IL9R: variants seen among roughly 807,000 people sequenced by gnomAD.
IL9R encodes interleukin-9 receptor.
IL9R carries 54 observed loss-of-function variants against 56.3 expected under a neutral mutation model. The observed-to-expected ratio is 0.96, with a 90% CI of 0.77 to 1.20. IL9R has a LOEUF of 1.20. IL9R is among the 50% of genes most tolerant of loss of function. The pLI is 0.00. For synonymous variants in IL9R, 212 were observed against 250.2 expected, an observed-to-expected ratio of 0.85 and a Z score of 1.44; for missense variants, 545 against 629.8, an observed-to-expected ratio of 0.87 and a Z score of 1.44.
Position 156,005,419 on chromosome X carries a change from T to C in IL9R, c.721T>C (p.Tyr241His). The part of the protein sequence containing the change: ...LEDDVVEEER[Y>H]TGQWSEWSQP... ...GGATGATGTGGTAGAGGAGGAGCGT[T>C]ATACAGGCCAGTGGAGTGAGTGGAG... Residue 241 changes from tyrosine (Y) to histidine (H), a missense_variant, in exon 6 of 9, where the codon TAT (tyrosine) becomes CAT (histidine). By Grantham distance (83) the Tyr-to-His change is moderately conservative (BLOSUM62 2). Coordinates refer to ENST00000244174, the MANE Select transcript of IL9R (RefSeq NM_002186.3). 1 of 1,613,094 alleles carries C rather than the reference T, an allele frequency of 6.2e-7. No homozygotes were observed. The highest frequency in any genetic ancestry group is 8.5e-7 in the Non-Finnish European group (1 of 1,179,820).
At chrX:156,009,248 G>GTGTGTGTA (rs1569479052) in intron 8 of IL9R, among the ~76,000 whole-genome samples, 28 of 94,988 alleles carry the variant, frequency 2.9e-4, no homozygotes, top group Admixed American at 4.6e-4. Flanking sequence ...TGTGGTGTGT[G>GTGTGTGTA]TGTCTGTGTG....
chrX:156,001,267 A>G (rs3093484), intron 1 of IL9R: 300,351 of 733,714 alleles, frequency 0.41, 66,957 homozygotes, highest in East Asian at 0.75. Context: ...CTGGGGCAGC[A>G]GTTGTCCATT....
In IL9R at chrX:156,001,270, T is replaced by C. The variant is rs1165752246; in HGVS notation, c.29-1636T>C. 5.4e-6 allele frequency: 4 copies of C among 741,834 alleles called. No homozygotes were observed. In the African/African-American group the frequency reaches 6.9e-5, roughly 13 times the overall value. 46.0% of individuals were successfully genotyped at this position (741,834 alleles called of 1,614,324 possible). A position where few individuals can be genotyped will look rare whatever the true frequency, so the allele number is the denominator to read the frequency against. Reference sequence around the variant, plus strand: ...GTTTCTCCACTGCTGGGGCAGCAGTTGTCCATTCTGGGGCCTGGGTCAGCT... The same window carrying C: ...GTTTCTCCACTGCTGGGGCAGCAGTCGTCCATTCTGGGGCCTGGGTCAGCT... On this transcript the variant is annotated intron_variant, in intron 1 of 8. Transcript: ENST00000244174.
rs111452421 is a variant in IL9R, at chrX:156,008,869, C to G, written c.973-947C>G. On this transcript the variant is annotated intron_variant, in intron 8 of 8. Transcript: ENST00000244174. The stretch of plus-strand genomic sequence containing the variant: ...TCCTGACAGCGATTCGTGTGTGTGT[C>G]TGTGTGTGTGTGTGTGTGTGTTTAT... 8.3e-4 allele frequency among the ~76,000 whole-genome samples: 123 copies of G among 147,838 alleles called. No individual in the cohort carries two copies. In the South Asian group the frequency reaches 9.2e-3, roughly 11 times the overall value.
In IL9R at chrX:156,005,477, A is replaced by G. The variant is rs189761597; in HGVS notation, c.779A>G (p.Gln260Arg). The G allele has an allele frequency of 2.5e-6, 4 of 1,612,350 alleles. No individual in the cohort carries two copies. In the African/African-American group the frequency reaches 4.0e-5, roughly 16 times the overall value. Reference protein sequence around the residue: ...QPVCFQAPQRQGPLIPPWGWP... With the variant: ...QPVCFQAPQRRGPLIPPWGWP... ...GTGTGCTTCCAGGCTCCCCAGAGAC[A>G]AGGTGGGCACTGCTGTGGCTGCTGC... is the stretch of plus-strand genomic sequence containing the variant. The change falls in exon 6 of 9, where the codon CAA (glutamine) becomes CGA (arginine). Residue 260 changes from glutamine to arginine, a missense_variant and splice_region_variant. By Grantham distance (43) the Gln-to-Arg change is conservative. Transcript: ENST00000244174.
rs2067521173 is a variant in IL9R at position 156,001,497 on chromosome X, T to C, written c.29-1409T>C. On this transcript the variant is annotated intron_variant, in intron 1 of 8. Coordinates refer to ENST00000244174, the MANE Select transcript of IL9R (RefSeq NM_002186.3). ...TGGTGGTTCCAGGCTGCACGCTCCATTCTAGGAAAGGGTGAGGCTTCCTGA... is the reference window on the plus strand; with the variant it reads ...TGGTGGTTCCAGGCTGCACGCTCCACTCTAGGAAAGGGTGAGGCTTCCTGA... 5 of 1,607,192 alleles carry C rather than the reference T, an allele frequency of 3.1e-6. No homozygotes were observed. The East Asian group carries it at 8.9e-5, about 29-fold the overall frequency.
Position 156,003,856 on chromosome X carries a change from G to T in IL9R, c.433+1G>T. On this transcript the variant is annotated splice_donor_variant, in intron 4 of 8. Coordinates refer to ENST00000244174, the MANE Select transcript of IL9R (RefSeq NM_002186.3). LOFTEE classifies it high-confidence loss of function. ...CCGGAGTACCTGCCCCGGAGACACG[G>T]TGAGCAGCAGCTATAGGTCTGGGGC... 6.2e-7 allele frequency: 1 copy of T among 1,613,878 alleles called. No homozygotes were observed. The highest frequency in any genetic ancestry group is 8.5e-7 in the Non-Finnish European group (1 of 1,179,848).
chrX:156,004,931 G>T (rs985832031), intron 5 of IL9R, among the ~76,000 whole-genome samples: 5 of 152,102 alleles, frequency 3.3e-5, no homozygotes, highest in Admixed American at 3.3e-4. Flanking sequence ...GTGTGCACAT[G>T]GGCATGCCTA....
At chrX:156,009,225 CTGTGTGTGTTCGTGTGGTGTGTGTGTCTG>C (rs2068270793) in intron 8 of IL9R, among the ~76,000 whole-genome samples, 1 of 27,158 alleles carries the variant, frequency 3.7e-5, no homozygotes, top group Non-Finnish European at 6.1e-5. Flanking sequence ...GTTTATGTGT[CTGTGTGTGTTCGTGTGGTGTGTGTGTCTG>C]TGTGTGTGTG....
intron 1 of IL9R, among the ~76,000 whole-genome samples, chrX:156,000,058 C>T (rs1211991890): frequency 6.6e-6 from 1 of 151,616 alleles, no homozygotes; most frequent in Non-Finnish European, 1.5e-5. Context: ...ATCACTTGAA[C>T]TCGGGAGGCA....
At chrX:156,004,344 C>G in intron 4 of IL9R, 76 bp from the exon 5 acceptor site, 2 of 1,499,260 alleles carry the variant, frequency 1.3e-6, no homozygotes, top group Non-Finnish European at 1.9e-6. Context: ...GTCTTTCAGA[C>G]CCCAGTCTTG....
At chrX:156,000,123 G>A (rs948893607) in intron 1 of IL9R, among the ~76,000 whole-genome samples, 20 of 135,140 alleles carry the variant, frequency 1.5e-4, no homozygotes, top group South Asian at 5.5e-4. Context: ...GCGACAGAGC[G>A]AGACTCCGTC....
chrX:155,999,750 G>A lies in IL9R; in HGVS notation c.28+1963G>A, dbSNP rs144570976. Among the ~76,000 whole-genome samples the A allele has an allele frequency of 3.8e-3, 575 of 152,196 alleles. 5 individuals are homozygous for A. Among genetic ancestry groups the A allele is most frequent in the African/African-American group, 0.013 (547 of 41,528 alleles). The stretch of plus-strand genomic sequence containing the variant: ...AGACAGAAGACCTTGCTGGACAGGT[G>A]TCCACTTCAATAGTAACTTCTGAGG... On this transcript the variant is annotated intron_variant, in intron 1 of 8. Coordinates refer to ENST00000244174, the MANE Select transcript of IL9R (RefSeq NM_002186.3).
intron 1 of IL9R, among the ~76,000 whole-genome samples, chrX:156,001,740 A>G (rs2067545671): frequency 1.3e-5 from 2 of 152,116 alleles, no homozygotes; most frequent in African/African-American, 4.8e-5. Flanking sequence ...TCGGTGTACC[A>G]TCTGGAGTTG....
At chrX:155,997,938 C>T (rs2067251365) in intron 1 of IL9R, 151 bp downstream of exon 1, 2 of 751,564 alleles carry the variant, frequency 2.7e-6, no homozygotes, top group Non-Finnish European at 4.6e-6. Flanking sequence ...GTGTCCTGGC[C>T]TTGTGTATCT....
chrX:156,005,348 G>T lies in IL9R; in HGVS notation c.650G>T (p.Gly217Val), dbSNP rs763002562. Reference protein sequence around the residue: ...LILEAFELDPGFIHEARLRVQ... With the variant: ...LILEAFELDPVFIHEARLRVQ... ...CTTGAAGCCTTTGAGCTGGACCCTG[G>T]CTTTATCCATGAGGCCAGGCTGCGT... Residue 217 changes from glycine to valine, a missense_variant, in exon 6 of 9, where the codon GGC becomes GTC. Gly to Val is a moderately radical substitution (Grantham distance 109, BLOSUM62 -3). Around this residue, in one of 2 missense-constraint regions of IL9R, gnomAD observed 431 missense variants for 360.0 expected, o/e 1.20. Coordinates refer to ENST00000244174, the MANE Select transcript of IL9R (RefSeq NM_002186.3). 2 of 1,612,534 alleles carry T rather than the reference G, an allele frequency of 1.2e-6. No individual in the cohort carries two copies. Among genetic ancestry groups the T allele is most frequent in the Admixed American group, 1.7e-5 (1 of 59,994 alleles).
intron 1 of IL9R, among the ~76,000 whole-genome samples, chrX:156,000,565 C>G (rs980356686): frequency 6.6e-6 from 1 of 152,202 alleles, no homozygotes; most frequent in East Asian, 1.9e-4. Context: ...GTGTCAGGGG[C>G]AGCTCTGTCC....
rs757195106 is a variant in IL9R, at chrX:155,999,486, C to T, written c.28+1699C>T. 1.3e-5 allele frequency among the ~76,000 whole-genome samples: 2 copies of T among 152,224 alleles called. 1 individual carries two copies. The highest frequency in any genetic ancestry group is 4.2e-4 in the South Asian group (2 of 4,816). On this transcript the variant is annotated intron_variant, in intron 1 of 8. Transcript: ENST00000244174. Reference sequence around the variant, plus strand: ...TGTCTCTGTACTTGCCTCCAGCTGGCCTTTCAGACCCCATCCCTCCTGCCT... The same window carrying T: ...TGTCTCTGTACTTGCCTCCAGCTGGTCTTTCAGACCCCATCCCTCCTGCCT...
At position 156,000,555 on chromosome X, in the gene IL9R, G is replaced by T. The variant is rs749773677; in HGVS notation, c.29-2351G>T. 2.6e-3 allele frequency among the ~76,000 whole-genome samples: 401 copies of T among 152,348 alleles called. 2 individuals carry two copies. The highest frequency in any genetic ancestry group is 8.9e-3 in the African/African-American group (370 of 41,580). Reference sequence around the variant, plus strand: ...GCCAGGCTCCCCAGCGGGACTGGGGGTGTCAGGGGCAGCTCTGTCCCAGGT... The same window carrying T: ...GCCAGGCTCCCCAGCGGGACTGGGGTTGTCAGGGGCAGCTCTGTCCCAGGT... On this transcript the variant is annotated intron_variant, in intron 1 of 8. Coordinates refer to ENST00000244174, the MANE Select transcript of IL9R (RefSeq NM_002186.3).
Sources: allele counts gnomAD v4.1 joint callset (sites outside exome capture counted in the v4.1 genomes callset), GRCh38; gene constraint gnomAD v4.1.1; regional missense constraint gnomAD v4.1.1; transcripts MANE v1.5; gene names NCBI Gene and HGNC (gene_info 2026-07-23, HGNC 2026-07-21).